IL17RE: variants seen among roughly 807,000 people sequenced by gnomAD.
IL17RE encodes the protein interleukin-17 receptor E.
IL17RE carries 47 observed loss-of-function variants against 70.7 expected under a neutral mutation model. The observed-to-expected ratio is 0.67, with a 90% CI of 0.53 to 0.85. The LOEUF (loss-of-function observed/expected upper bound fraction) is 0.85, where lower values mean the gene tolerates loss of function less well. Ranked by LOEUF, IL17RE falls within the 40% of genes least tolerant of loss-of-function variation. The pLI, the probability that IL17RE is intolerant of heterozygous loss-of-function variation, is 0.00. For missense variants in IL17RE, 850 were observed against 893.9 expected (o/e 0.95, Z 0.63); for synonymous variants, 372 against 381.2 (o/e 0.98, Z 0.28).
chr3:9,910,609 C>A (rs1168086862), intron 8 of IL17RE, among the ~76,000 whole-genome samples: 2 of 152,080 alleles, frequency 1.3e-5, no homozygotes, highest in Non-Finnish European at 2.9e-5. Flanking sequence ...CGCTTGAACC[C>A]AGGACACAGA....
chr3:9,908,709 T>C (rs1389046074), intron 7 of IL17RE, among the ~76,000 whole-genome samples: 3 of 152,196 alleles, frequency 2.0e-5, no homozygotes, highest in Non-Finnish European at 4.4e-5. Context: ...AGTCCTCCTT[T>C]TCTCTTTACA....
Position 9,908,316 on chromosome 3 carries a change from A to C in IL17RE, c.735+9A>C. ...CCTGTCTGTGCATAGAGGTGAGCAA[A>C]GGAAAAGGTGTGGGCTGTCCATGGC... On this transcript the variant is annotated intron_variant, in intron 7 of 15. Transcript: ENST00000383814. The C allele has an allele frequency of 6.2e-7, 1 of 1,613,346 alleles. No individual in the cohort carries two copies. Among genetic ancestry groups the C allele is most frequent in the Non-Finnish European group, 8.5e-7 (1 of 1,179,422 alleles).
At chr3:9,914,226 G>A (rs749668348) in intron 13 of IL17RE, among the ~76,000 whole-genome samples, 9 of 152,238 alleles carry the variant, frequency 5.9e-5, no homozygotes, top group Non-Finnish European at 1.0e-4. Flanking sequence ...ACCTAGTGCC[G>A]TGTGTCCACA....
chr3:9,913,905 G>A (rs895084061), intron 12 of IL17RE, 51 bp from the exon 13 acceptor site: 26 of 1,465,756 alleles, frequency 1.8e-5, no homozygotes, highest in Admixed American at 5.0e-5. Context: ...AGGCCAGACA[G>A]GGCCAGATTC....
Position 9,915,811 on chromosome 3 carries a change from G to A in IL17RE, c.*4G>A. On this transcript the variant is annotated 3_prime_UTR_variant, in exon 16 of 16. Transcript: ENST00000383814. This position sits in a 1 kb window ranked among gnomAD's most constrained non-coding sequence, Gnocchi z 4.9. The stretch of plus-strand genomic sequence containing the variant: ...CCGACTTGCAGACCTAGGTTGAGCA[G>A]AGCTCCACCGCAGTCCCGGGTGTCT... 6.6e-7 allele frequency: 1 copy of A among 1,519,204 alleles called. No homozygotes were observed. The highest frequency in any genetic ancestry group is 8.7e-7 in the Non-Finnish European group (1 of 1,144,754). 94.1% of individuals were successfully genotyped at this position (1,519,204 alleles called of 1,614,324 possible).
In IL17RE at chr3:9,908,888, CAG is replaced by C. The variant is rs2082821910; in HGVS notation, c.736-326_736-325del. 3.3e-5 allele frequency among the ~76,000 whole-genome samples: 5 copies of C among 152,180 alleles called. No homozygotes were observed. In the South Asian group the frequency reaches 6.2e-4, roughly 19 times the overall value. Reference sequence around the variant, plus strand: ...GGCATTCCAGAGTCAGGAGCCAACACAGAGCACTGGGTGCCTTGGGGATGGCT... The same window carrying C: ...GGCATTCCAGAGTCAGGAGCCAACACAGCACTGGGTGCCTTGGGGATGGCT... On this transcript the variant is annotated intron_variant, in intron 7 of 15. Transcript: ENST00000383814.
In IL17RE at chr3:9,906,749, A is replaced by C. The variant is rs1457870766; in HGVS notation, c.410A>C (p.His137Pro). 1 of 1,614,186 alleles carries C rather than the reference A, an allele frequency of 6.2e-7. No individual in the cohort carries two copies. Among genetic ancestry groups the C allele is most frequent in the South Asian group, 1.1e-5 (1 of 91,082 alleles). ...CGTCACCTGTCTGAGAAGAGCCATC[A>C]CATTTCCATCCCCTCCCCAGACATC... ...PRRHLSEKSH[H>P]ISIPSPDISH... Residue 137 changes from histidine (H) to proline (P), a missense_variant, in exon 5 of 16, where the codon CAC (histidine) becomes CCC (proline). His to Pro is a moderately conservative substitution (Grantham distance 77, BLOSUM62 -2). Coordinates refer to ENST00000383814, the MANE Select transcript of IL17RE (RefSeq NM_153480.2).
At chr3:9,905,779 C>T (rs562214822) in intron 3 of IL17RE, among the ~76,000 whole-genome samples, 12 of 152,116 alleles carry the variant, frequency 7.9e-5, no homozygotes, top group African/African-American at 2.4e-4. Context: ...AAGATCGCGC[C>T]GCTGCACTCC....
intron 12 of IL17RE, among the ~76,000 whole-genome samples, chr3:9,913,369 A>T (rs1021390485): frequency 6.6e-6 from 1 of 152,028 alleles, no homozygotes; most frequent in Admixed American, 6.6e-5. Flanking sequence ...GCACCAGTGC[A>T]CTCCAGCCTG....
At chr3:9,902,842 G>T, upstream of IL17RE, 2 of 1,607,114 alleles carry the variant, frequency 1.2e-6, no homozygotes, top group South Asian at 1.1e-5. Context: ...GGCTCCTGCT[G>T]GTACTGTGTT....
Position 9,903,039 on chromosome 3 carries a change from C to T in IL17RE, c.107C>T (p.Thr36Ile). Residue 36 changes from threonine (T) to isoleucine (I), a missense_variant, in exon 1 of 16, where the codon ACC (threonine) becomes ATC (isoleucine). Coordinates refer to ENST00000383814, the MANE Select transcript of IL17RE (RefSeq NM_153480.2). The part of the protein sequence containing the change: ...IGFRHLPHWN[T>I]RCPLASHTDD... ...TTTCGCCACCTGCCCCACTGGAACACCCGCTGTCCTCTGGCCTCCCACACG... is the reference window on the plus strand; with the variant it reads ...TTTCGCCACCTGCCCCACTGGAACATCCGCTGTCCTCTGGCCTCCCACACG... 6.2e-7 allele frequency: 1 copy of T among 1,614,200 alleles called. No individual in the cohort carries two copies. The highest frequency in any genetic ancestry group is 8.5e-7 in the Non-Finnish European group (1 of 1,180,008).
chr3:9,913,706 G>A (rs1553571831), intron 12 of IL17RE, among the ~76,000 whole-genome samples: 1 of 152,236 alleles, frequency 6.6e-6, no homozygotes. Flanking sequence ...CTTTCCTCAG[G>A]GCTTGGCACA....
chr3:9,910,664 G>A (rs569747083), intron 8 of IL17RE, among the ~76,000 whole-genome samples: 5 of 152,284 alleles, frequency 3.3e-5, no homozygotes, highest in East Asian at 3.9e-4. Context: ...CAGACTGGGC[G>A]ACAGAGTGAG....
At position 9,909,275 on chromosome 3, in the gene IL17RE, C is replaced by A. The variant is rs458698; in HGVS notation, c.794C>A (p.Pro265Gln). 1 of 1,613,914 alleles carries A rather than the reference C, an allele frequency of 6.2e-7. No homozygotes were observed. Among genetic ancestry groups the A allele is most frequent in the Non-Finnish European group, 8.5e-7 (1 of 1,179,888 alleles). The change falls in exon 8 of 16, where the codon CCA becomes CAA. Residue 265 changes from proline to glutamine, a missense_variant. Physicochemically the swap from Pro to Gln is moderately conservative, Grantham distance 76. Transcript: ENST00000383814. Reference sequence around the variant, plus strand: ...AAAAAATGTCCCTTCCAGAGCTGGCCAGAAGCCTGTGAGTGCTGTTGACAC... The same window carrying A: ...AAAAAATGTCCCTTCCAGAGCTGGCAAGAAGCCTGTGAGTGCTGTTGACAC... Reference protein sequence around the residue: ...RRKKCPFQSWPEAYGSDFWKS... With the variant: ...RRKKCPFQSWQEAYGSDFWKS...
In IL17RE at chr3:9,911,026, C is replaced by G. The variant is rs747188126; in HGVS notation, c.964C>G (p.Arg322Gly). The change falls in exon 9 of 16, where the codon CGA becomes GGA. Residue 322 changes from arginine (R) to glycine (G), a missense_variant. Arg to Gly is a moderately radical substitution (Grantham distance 125). Transcript: ENST00000383814. ...LCKDLPNATA[R>G]ESDGWYVLEK... The stretch of plus-strand genomic sequence containing the variant: ...CAAAGACCTCCCGAATGCCACAGCT[C>G]GAGAGTCAGATGGGGTGAGGACAGG... The G allele has an allele frequency of 1.2e-6, 2 of 1,613,984 alleles. No individual in the cohort carries two copies. The highest frequency in any genetic ancestry group is 2.7e-5 in the African/African-American group (2 of 74,902).
At chr3:9,908,664 C>T (rs929489994) in intron 7 of IL17RE, among the ~76,000 whole-genome samples, 5 of 152,210 alleles carry the variant, frequency 3.3e-5, no homozygotes, top group African/African-American at 1.2e-4. Context: ...ATCCATATGC[C>T]CCCAAAAGTC....
Position 9,910,889 on chromosome 3 carries a change from T to G in IL17RE, c.827T>G (p.Val276Gly), listed in dbSNP as rs2082874181. Residue 276 changes from valine to glycine, a missense_variant, in exon 9 of 16, where the codon GTG becomes GGG. By Grantham distance (109) the Val-to-Gly change is moderately radical. Coordinates refer to ENST00000383814, the MANE Select transcript of IL17RE (RefSeq NM_153480.2). ...EAYGSDFWKSVHFTDYSQHTQ... is the reference protein window; with the variant it reads ...EAYGSDFWKSGHFTDYSQHTQ... ...GATGGCTCGGACTTCTGGAAGTCAGTGCACTTCACTGACTACAGCCAGCAC... is the reference window on the plus strand; with the variant it reads ...GATGGCTCGGACTTCTGGAAGTCAGGGCACTTCACTGACTACAGCCAGCAC... 1 of 1,614,076 alleles carries G rather than the reference T, an allele frequency of 6.2e-7. No homozygotes were observed. The highest frequency in any genetic ancestry group is 8.5e-7 in the Non-Finnish European group (1 of 1,180,020).
chr3:9,902,768 G>A, upstream of IL17RE: 1 of 1,538,046 alleles, frequency 6.5e-7, no homozygotes, highest in Admixed American at 2.0e-5. Flanking sequence ...ATGTGGCCTG[G>A]CTGGCTGGTT....
Position 9,915,127 on chromosome 3 carries a change from G to A in IL17RE, c.1448-124G>A. On this transcript the variant is annotated intron_variant, in intron 15 of 15. Transcript: ENST00000383814. This position sits in a 1 kb window ranked among gnomAD's most constrained non-coding sequence, Gnocchi z 4.9. ...GCTGTTTTCGGTACCAACCCCCAGA[G>A]CAAATAAGGGGCGGGGGCGGGGGCG... 1 of 1,270,022 alleles carries A rather than the reference G, an allele frequency of 7.9e-7. No individual in the cohort carries two copies. The highest frequency in any genetic ancestry group is 1.0e-6 in the Non-Finnish European group (1 of 994,256). The allele number at this position is 1,270,022 out of a possible 1,614,324, so 78.7% of individuals were successfully genotyped here. A position where few individuals can be genotyped will look rare whatever the true frequency, so the allele number is the denominator to read the frequency against.
Sources: gnomAD v4.1 joint callset for allele counts (sites outside exome capture counted in the v4.1 genomes callset) on GRCh38, gnomAD v4.1.1 for gene constraint, Gnocchi (gnomAD v3.1) non-coding constraint, MANE v1.5 for transcripts, NCBI Gene and HGNC (gene_info 2026-07-23, HGNC 2026-07-21) for gene names.